GRXCR2: variants seen among roughly 807,000 people sequenced by gnomAD.
GRXCR2 encodes the protein glutaredoxin domain-containing cysteine-rich protein 2.
GRXCR2 carries 23 observed loss-of-function variants against 24.8 expected under a neutral mutation model. The ratio of observed to expected loss-of-function variants is 0.93; its 90% CI spans 0.67 to 1.32. The LOEUF is 1.32. Among genes scored for constraint, GRXCR2 ranks in the 40% most tolerant of loss-of-function variants. The pLI, the probability that GRXCR2 is intolerant of heterozygous loss-of-function variation, is 0.00. For missense variants in GRXCR2, 315 were observed against 303.4 expected, an observed-to-expected ratio of 1.04 and a Z score of -0.28; for synonymous variants, 130 against 116.1, an observed-to-expected ratio of 1.12 and a Z score of -0.77.
intron 2 of GRXCR2, among the ~76,000 whole-genome samples, chr5:145,865,870 G>C (rs1382319898): frequency 1.3e-5 from 2 of 152,178 alleles, no homozygotes; most frequent in Non-Finnish European, 2.9e-5. Flanking sequence ...AGGCACGGTG[G>C]CTCATGCTTG....
At chr5:145,892,367 A>G (rs1200221107) in intron 2 of GRXCR2, among the ~76,000 whole-genome samples, 1 of 152,226 alleles carries the variant, frequency 6.6e-6, no homozygotes, top group Admixed American at 6.5e-5. Flanking sequence ...CCCATGGCAA[A>G]GAAGTTAAAG....
At chr5:145,870,514 C>T (rs1265828068) in intron 1 of GRXCR2, among the ~76,000 whole-genome samples, 1 of 152,106 alleles carries the variant, frequency 6.6e-6, no homozygotes, top group Admixed American at 6.6e-5. Flanking sequence ...CACCTTTAGG[C>T]AATTGAGAAT....
At chr5:145,893,149 G>C (rs1756895833) in intron 2 of GRXCR2, among the ~76,000 whole-genome samples, 1 of 152,096 alleles carries the variant, frequency 6.6e-6, no homozygotes, top group African/African-American at 2.4e-5. Context: ...ATATGGAAAG[G>C]AACAACCGGT....
intron 2 of GRXCR2, among the ~76,000 whole-genome samples, chr5:145,930,231 T>C (rs1484696849): frequency 1.3e-5 from 2 of 152,116 alleles, no homozygotes; most frequent in East Asian, 3.9e-4. Flanking sequence ...ATTACAGGCA[T>C]GTGCCACCAC....
intron 2 of GRXCR2, among the ~76,000 whole-genome samples, chr5:145,879,001 T>G (rs1756659613): frequency 6.6e-6 from 1 of 152,078 alleles, no homozygotes; most frequent in Non-Finnish European, 1.5e-5. Context: ...GCTGAGAGAT[T>G]TTGTCACTAC....
intron 2 of GRXCR2, among the ~76,000 whole-genome samples, chr5:145,907,032 G>A (rs946453512): frequency 1.1e-4 from 17 of 152,034 alleles, no homozygotes; most frequent in African/African-American, 2.4e-4. Flanking sequence ...AGGCAGGACC[G>A]TGCCTGGAAG....
intron 2 of GRXCR2, among the ~76,000 whole-genome samples, chr5:145,900,366 C>T (rs1049085731): frequency 6.6e-6 from 1 of 152,128 alleles, no homozygotes; most frequent in African/African-American, 2.4e-5. Context: ...GAGGTCTCCC[C>T]AGTCATGCTT....
chr5:145,894,537 A>C (rs1342034458), intron 2 of GRXCR2, among the ~76,000 whole-genome samples: 2 of 152,242 alleles, frequency 1.3e-5, no homozygotes, highest in Non-Finnish European at 2.9e-5. Context: ...ATCTAGAAGA[A>C]ATGCATAAAT....
chr5:145,911,582 G>C (rs995734365), intron 2 of GRXCR2, among the ~76,000 whole-genome samples: 2 of 152,212 alleles, frequency 1.3e-5, no homozygotes, highest in African/African-American at 2.4e-5. Flanking sequence ...ATGAACTTGA[G>C]TCCCCAAATT....
At chr5:145,860,027 T>C (rs1029056097) in intron 2 of GRXCR2, 112 bp from the exon 3 acceptor site, 15 of 803,274 alleles carry the variant, frequency 1.9e-5, no homozygotes, top group Non-Finnish European at 2.8e-5. Flanking sequence ...TAGAGGAAAA[T>C]GCTTCCCACG....
intron 2 of GRXCR2, among the ~76,000 whole-genome samples, chr5:145,929,881 T>C (rs939716572): frequency 1.3e-5 from 2 of 152,138 alleles, no homozygotes; most frequent in African/African-American, 2.4e-5. Context: ...TTCTGTCTTT[T>C]GGTTCTTCAC....
intron 2 of GRXCR2, among the ~76,000 whole-genome samples, chr5:145,929,297 A>G (rs1052629535): frequency 9.3e-5 from 14 of 150,522 alleles, no homozygotes; most frequent in African/African-American, 3.4e-4. Context: ...AAGTAATGCT[A>G]TAAGGAACAC....
At chr5:145,894,095 G>C (rs955592344) in intron 2 of GRXCR2, among the ~76,000 whole-genome samples, 1 of 152,068 alleles carries the variant, frequency 6.6e-6, no homozygotes, top group African/African-American at 2.4e-5. Context: ...CGAGAACAAA[G>C]ACACAACATA....
intron 2 of GRXCR2, among the ~76,000 whole-genome samples, chr5:145,893,840 G>A (rs150949265): frequency 0.038 from 5,793 of 152,170 alleles, 376 homozygotes; most frequent in African/African-American, 0.13. Context: ...ATTCTTTTCA[G>A]CACCACACCA....
At chr5:145,877,718 T>C (rs557695899), upstream of GRXCR2, among the ~76,000 whole-genome samples, 34 of 152,306 alleles carry the variant, frequency 2.2e-4, 1 homozygote, top group African/African-American at 4.8e-4. Flanking sequence ...GGTTGGACAG[T>C]GGGTGCAGCC....
Position 145,881,102 on chromosome 5 carries a change from C to A in GRXCR2, c.-69-14374G>T, listed in dbSNP as rs1329004657. On this transcript the variant is annotated intron_variant, in intron 2 of 3. Coordinates refer to the GRXCR2 transcript ENST00000639411. The stretch of plus-strand genomic sequence containing the variant: ...TGAATGGGCAAAAGCTGGAAGCATT[C>A]CCTTTGAATACTGGCACAAGCCAAG... Among the ~76,000 whole-genome samples, 3 of 152,188 alleles carry A rather than the reference C, an allele frequency of 2.0e-5. No homozygotes were observed. The East Asian group carries it at 5.8e-4, about 29-fold the overall frequency.
intron 2 of GRXCR2, among the ~76,000 whole-genome samples, chr5:145,923,733 T>C (rs934017412): frequency 2.0e-5 from 3 of 152,224 alleles, no homozygotes; most frequent in Non-Finnish European, 4.4e-5. Flanking sequence ...GTTATGAGTA[T>C]TATGAGCACT....
chr5:145,911,422 G>T (rs368308074), intron 2 of GRXCR2, among the ~76,000 whole-genome samples: 25 of 152,156 alleles, frequency 1.6e-4, no homozygotes, highest in Admixed American at 2.0e-4. Flanking sequence ...CTCTTGCTCT[G>T]CCACAGAGGG....
At chr5:145,876,189 G>GTATATATA (rs1295310846), upstream of GRXCR2, among the ~76,000 whole-genome samples, 7 of 68,446 alleles carry the variant, frequency 1.0e-4, no homozygotes, top group African/African-American at 1.9e-4. Context: ...ATGTGTGTGT[G>GTATATATA]TGTATATATA....
Sources: allele counts gnomAD v4.1 joint callset (sites outside exome capture counted in the v4.1 genomes callset), GRCh38; gene constraint gnomAD v4.1.1; transcripts MANE v1.5; gene names NCBI Gene and HGNC (gene_info 2026-07-23, HGNC 2026-07-21).